Variants in DDX4 observed in about 807,000 individuals in gnomAD.
The protein encoded by DDX4 is probable ATP-dependent RNA helicase DDX4.
DDX4 carries 25 observed loss-of-function variants against 100.0 expected under a neutral mutation model. The ratio of observed to expected loss-of-function variants is 0.25; its 90% CI spans 0.18 to 0.35. The LOEUF (loss-of-function observed/expected upper bound fraction) is 0.35, where lower values mean the gene tolerates loss of function less well. Among genes scored for constraint, DDX4 ranks in the 10% least tolerant of loss-of-function variants. The pLI is 1.00. For missense variants in DDX4, 635 were observed against 882.4 expected (o/e 0.72, Z 3.55); for synonymous variants, 259 against 275.7 (o/e 0.94, Z 0.60).
rs1744335816 is a variant in DDX4 at position 55,815,357 on chromosome 5, T to C, written c.2031T>C (p.Ser677=). 1.9e-6 allele frequency: 3 copies of C among 1,613,746 alleles called. No individual in the cohort carries two copies. The highest frequency in any genetic ancestry group is 3.3e-5 in the Admixed American group (2 of 59,944). ...VPAWLEEIAF[S]TYIPGFSGST... ...CATGGTTGGAAGAAATTGCCTTTAGTACATACATTCCTGGCTTCAGTGGTA... is the reference window on the plus strand; with the variant it reads ...CATGGTTGGAAGAAATTGCCTTTAGCACATACATTCCTGGCTTCAGTGGTA... The change falls in exon 21 of 22, where the codon AGT becomes AGC. Residue 677 remains serine (S), a synonymous_variant. Coordinates refer to ENST00000505374, the MANE Select transcript of DDX4 (RefSeq NM_024415.3).
chr5:55,806,972 T>C (rs1339049332), intron 18 of DDX4, among the ~76,000 whole-genome samples: 1 of 152,210 alleles, frequency 6.6e-6, no homozygotes, highest in Middle Eastern at 3.2e-3. Context: ...TCTTTGTAGG[T>C]CTCTAAGGAC....
At chr5:55,783,894 G>A (rs191109447) in intron 10 of DDX4, among the ~76,000 whole-genome samples, 2 of 150,912 alleles carry the variant, frequency 1.3e-5, no homozygotes, top group East Asian at 1.9e-4. Flanking sequence ...CAATGTGCAA[G>A]TTTGTTACAT....
rs140068018 is a variant in DDX4 at position 55,785,821 on chromosome 5, G to A, written c.814G>A (p.Asp272Asn). Reference sequence around the variant, plus strand: ...GACAGGCATAAACTTCGACAAATACGACACTATTCTTGTGGAAGTGTCTGG... The same window carrying A: ...GACAGGCATAAACTTCGACAAATACAACACTATTCTTGTGGAAGTGTCTGG... ...YQTGINFDKY[D>N]TILVEVSGHD... Residue 272 changes from aspartate (D) to asparagine (N), a missense_variant, in exon 13 of 22, where the codon GAC (aspartate) becomes AAC (asparagine). This residue lies in a region of DDX4 where 446 missense variants were observed against 540.8 expected (regional missense o/e 0.82). Transcript: ENST00000505374. 3.4e-5 allele frequency: 54 copies of A among 1,609,636 alleles called. No homozygotes were observed. Among genetic ancestry groups the A allele is most frequent in the Admixed American group, 8.3e-5 (5 of 59,958 alleles).
intron 18 of DDX4, among the ~76,000 whole-genome samples, chr5:55,805,180 T>TG (rs1225412292): frequency 6.6e-6 from 1 of 151,952 alleles, no homozygotes; most frequent in African/African-American, 2.4e-5. Context: ...TTTTGTATCC[T>TG]GAGACTTTGC....
rs751078631 is a variant in DDX4 at position 55,792,753 on chromosome 5, A to G, written c.1415A>G (p.Lys472Arg). 1.4e-5 allele frequency: 23 copies of G among 1,599,836 alleles called. No homozygotes were observed. Among genetic ancestry groups the G allele is most frequent in the Non-Finnish European group, 2.0e-5 (23 of 1,171,782 alleles). ...ATTTCTTGCCCAGGAATGCCATCAA[A>G]GGAACAGCGCCAAACCCTTATGTTC... is the stretch of plus-strand genomic sequence containing the variant. ...KLISCPGMPSKEQRQTLMFSA... is the reference protein window; with the variant it reads ...KLISCPGMPSREQRQTLMFSA... Residue 472 changes from lysine (K) to arginine (R), a missense_variant, in exon 17 of 22, where the codon AAG becomes AGG. Transcript: ENST00000505374.
chr5:55,805,085 A>G (rs972577650), intron 18 of DDX4, among the ~76,000 whole-genome samples: 1 of 151,766 alleles, frequency 6.6e-6, no homozygotes, highest in African/African-American at 2.4e-5. Context: ...CTTTGAAGCA[A>G]TTGTGAATGG....
At chr5:55,758,868 T>A (rs1029195237) in intron 3 of DDX4, among the ~76,000 whole-genome samples, 3 of 70,320 alleles carry the variant, frequency 4.3e-5, no homozygotes, top group South Asian at 1.3e-3. Context: ...TTTGTTTCCT[T>A]AAAAAAAAAA....
At chr5:55,765,413 AAT>A (rs397997793) in intron 6 of DDX4, among the ~76,000 whole-genome samples, 3,215 of 82,896 alleles carry the variant, frequency 0.039, 94 homozygotes, top group Non-Finnish European at 0.051. Context: ...AAAAAAAAAA[AAT>A]ATATATATAT....
chr5:55,807,882 A>G (rs1192376386), intron 18 of DDX4, among the ~76,000 whole-genome samples: 3 of 152,056 alleles, frequency 2.0e-5, no homozygotes, highest in South Asian at 4.2e-4. Flanking sequence ...TGCTAGATTG[A>G]AGTTCTCATG....
chr5:55,740,312 G>T (rs114938435), intron 2 of DDX4, among the ~76,000 whole-genome samples: 1 of 151,718 alleles, frequency 6.6e-6, no homozygotes, highest in African/African-American at 2.4e-5. Context: ...GACTACAGGC[G>T]CATGCCACCA....
chr5:55,811,086 A>C (rs1744102849), intron 18 of DDX4, among the ~76,000 whole-genome samples: 1 of 151,796 alleles, frequency 6.6e-6, no homozygotes. Context: ...GCTGATTACA[A>C]GGAAGGTAAA....
chr5:55,751,343 C>T (rs1011537529), intron 3 of DDX4, among the ~76,000 whole-genome samples: 6 of 152,202 alleles, frequency 3.9e-5, no homozygotes, highest in Non-Finnish European at 5.9e-5. Flanking sequence ...AAGCAATCCT[C>T]CTGCCTCAGC....
chr5:55,790,912 CAAT>C (rs1258253722), intron 16 of DDX4, among the ~76,000 whole-genome samples: 1 of 152,132 alleles, frequency 6.6e-6, no homozygotes, highest in African/African-American at 2.4e-5. Context: ...AAAACAAACT[CAAT>C]GAGATTATGT....
intron 3 of DDX4, among the ~76,000 whole-genome samples, chr5:55,758,868 TAAAAAAAAAAAAAA>T (rs35392036): frequency 1.0e-4 from 7 of 70,320 alleles, no homozygotes; most frequent in South Asian, 6.5e-4. Context: ...TTTGTTTCCT[TAAAAAAAAAAAAAA>T]AAAAAAAAAA....
intron 5 of DDX4, among the ~76,000 whole-genome samples, chr5:55,763,565 A>G (rs1289378622): frequency 6.6e-6 from 1 of 152,150 alleles, no homozygotes; most frequent in Non-Finnish European, 1.5e-5. Context: ...TTTAAAAAAG[A>G]GTAAACAAAA....
At chr5:55,799,690 G>A (rs1181662694) in intron 18 of DDX4, among the ~76,000 whole-genome samples, 4 of 152,012 alleles carry the variant, frequency 2.6e-5, no homozygotes, top group Non-Finnish European at 4.4e-5. Flanking sequence ...TTTTATTTTT[G>A]AAGTCATTTT....
intron 6 of DDX4, among the ~76,000 whole-genome samples, chr5:55,765,250 A>G (rs1740815775): frequency 6.6e-6 from 1 of 151,724 alleles, no homozygotes; most frequent in Non-Finnish European, 1.5e-5. Context: ...CTTTCTACCT[A>G]CTTGACCCCT....
intron 16 of DDX4, among the ~76,000 whole-genome samples, chr5:55,791,622 A>G (rs1487687055): frequency 2.6e-5 from 4 of 152,212 alleles, no homozygotes; most frequent in African/African-American, 9.6e-5. Context: ...TCATGCTGTT[A>G]GGATATTTTC....
chr5:55,797,829 A>AT (rs1247697486), intron 17 of DDX4, among the ~76,000 whole-genome samples: 3 of 152,172 alleles, frequency 2.0e-5, no homozygotes, highest in Non-Finnish European at 4.4e-5. Flanking sequence ...ACCTATCCTG[A>AT]TTCCGCTATG....
Sources: gnomAD v4.1 joint callset for allele counts (sites outside exome capture counted in the v4.1 genomes callset) on GRCh38, gnomAD v4.1.1 for gene constraint, gnomAD v4.1.1 regional missense constraint, MANE v1.5 for transcripts, NCBI Gene and HGNC (gene_info 2026-07-23, HGNC 2026-07-21) for gene names.